The following BRINP1 variants were observed in gnomAD, a reference collection of about 807,000 sequenced individuals.
BRINP1 encodes the protein BMP/retinoic acid inducible neural specific 1.
In BRINP1, 17 loss-of-function variants were observed where a neutral mutation model predicts 72.9. The observed-to-expected ratio is 0.23, with a 90% CI of 0.16 to 0.35. BRINP1 has a LOEUF of 0.35. BRINP1 is among the 10% of genes least tolerant of loss of function. The probability of loss-of-function intolerance (pLI) is 1.00; values close to 1 mark genes in which losing one functional copy is unlikely to be tolerated. For synonymous variants in BRINP1, 418 were observed against 378.5 expected (o/e 1.10, Z -1.21); for missense variants, 850 against 1,001.6 (o/e 0.85, Z 2.04).
Position 119,262,621 on chromosome 9 carries a change from G to C in BRINP1, c.219-13471C>G, listed in dbSNP as rs191000506. On this transcript the variant is annotated intron_variant, in intron 2 of 7. Coordinates refer to ENST00000265922, the MANE Select transcript of BRINP1 (RefSeq NM_014618.3). Reference sequence around the variant, plus strand: ...AGATCATGCCATTGCACTCCAGCCTGGGTGACAGAGCGAGACTCCAACTCA... The same window carrying C: ...AGATCATGCCATTGCACTCCAGCCTCGGTGACAGAGCGAGACTCCAACTCA... Among the ~76,000 whole-genome samples, 846 of 144,080 alleles carry C rather than the reference G, an allele frequency of 5.9e-3. 9 individuals are homozygous for C. Among genetic ancestry groups the C allele is most frequent in the African/African-American group, 0.019 (729 of 39,222 alleles). The allele number at this position is 144,080 out of a possible 152,430, so 94.5% of individuals were successfully genotyped here. A position where few individuals can be genotyped will look rare whatever the true frequency, so the allele number is the denominator to read the frequency against.
chr9:119,169,406 T>C (rs1412388131), intron 7 of BRINP1, among the ~76,000 whole-genome samples: 1 of 151,714 alleles, frequency 6.6e-6, no homozygotes, highest in African/African-American at 2.4e-5. Context: ...CCCCACCGAA[T>C]ACTGTGCTTT....
At chr9:119,310,825 A>G (rs1564244914) in intron 2 of BRINP1, among the ~76,000 whole-genome samples, 1 of 152,184 alleles carries the variant, frequency 6.6e-6, no homozygotes, top group South Asian at 2.1e-4. Context: ...TGAAACGTCA[A>G]TGTTTCAACA....
intron 1 of BRINP1, among the ~76,000 whole-genome samples, chr9:119,327,420 GAATC>G (rs1564249223): frequency 6.6e-6 from 1 of 152,178 alleles, no homozygotes; most frequent in Non-Finnish European, 1.5e-5. Flanking sequence ...GGTAGGTACT[GAATC>G]AATATTTATT....
At chr9:119,186,133 G>A (rs1564212287) in intron 7 of BRINP1, among the ~76,000 whole-genome samples, 3 of 152,272 alleles carry the variant, frequency 2.0e-5, no homozygotes, top group East Asian at 1.9e-4. Context: ...CAGATGTTAG[G>A]GTCACAGCCT....
intron 7 of BRINP1, among the ~76,000 whole-genome samples, chr9:119,184,679 C>T (rs1372019595): frequency 6.6e-6 from 1 of 152,150 alleles, no homozygotes; most frequent in African/African-American, 2.4e-5. Context: ...AATTCCAGAA[C>T]CTTAAAGCTA....
chr9:119,360,424 T>G (rs1190910115), intron 1 of BRINP1, among the ~76,000 whole-genome samples: 1 of 152,208 alleles, frequency 6.6e-6, no homozygotes, highest in Non-Finnish European at 1.5e-5. Context: ...GAAATCTGGC[T>G]TATCCACTAC....
chr9:119,317,783 C>T (rs542945730), intron 1 of BRINP1, among the ~76,000 whole-genome samples: 2 of 152,290 alleles, frequency 1.3e-5, no homozygotes, highest in Admixed American at 6.5e-5. Flanking sequence ...CAGTCAGAAG[C>T]CAACAACATT....
chr9:119,317,071 C>T (rs150646538), intron 1 of BRINP1, among the ~76,000 whole-genome samples: 2,625 of 151,834 alleles, frequency 0.017, 36 homozygotes, highest in Non-Finnish European at 0.028. Flanking sequence ...AGCCTGGTGA[C>T]AGAGTGACAT....
At chr9:119,235,207 T>A (rs1213267360) in intron 5 of BRINP1, among the ~76,000 whole-genome samples, 1 of 152,216 alleles carries the variant, frequency 6.6e-6, no homozygotes, top group Non-Finnish European at 1.5e-5. Context: ...AATCTCTTCA[T>A]GCTACTTCTT....
At chr9:119,237,288 C>G (rs1169693169) in intron 5 of BRINP1, among the ~76,000 whole-genome samples, 2 of 151,818 alleles carry the variant, frequency 1.3e-5, no homozygotes, top group Non-Finnish European at 2.9e-5. Context: ...AATACATCAT[C>G]GGTAACCTAG....
intron 2 of BRINP1, among the ~76,000 whole-genome samples, chr9:119,310,684 CA>C (rs1831052925): frequency 6.6e-6 from 1 of 152,078 alleles, no homozygotes; most frequent in Non-Finnish European, 1.5e-5. Context: ...CCTCTAGCAT[CA>C]AAAAATGTGC....
rs574181914 is a variant in BRINP1, at chr9:119,192,078, T to G, written c.1145+16641A>C. Among the ~76,000 whole-genome samples, 25 of 152,082 alleles carry G rather than the reference T, an allele frequency of 1.6e-4. No individual in the cohort carries two copies. In the South Asian group the frequency reaches 4.8e-3, roughly 29 times the overall value. On this transcript the variant is annotated intron_variant, in intron 7 of 7. Coordinates refer to ENST00000265922, the MANE Select transcript of BRINP1 (RefSeq NM_014618.3). ...AGACTAATGACATTGAACCCTTATC[T>G]TACATCATACACAAAAATCAATTCA...
chr9:119,242,813 T>G (rs1830268220), intron 3 of BRINP1, among the ~76,000 whole-genome samples: 1 of 152,176 alleles, frequency 6.6e-6, no homozygotes, highest in Non-Finnish European at 1.5e-5. Flanking sequence ...TACATTTTCT[T>G]CTTTTAAGTT....
chr9:119,334,105 C>T (rs1164758563), intron 1 of BRINP1, among the ~76,000 whole-genome samples: 1 of 152,300 alleles, frequency 6.6e-6, no homozygotes, highest in Middle Eastern at 3.4e-3. Flanking sequence ...GCCCAGCACA[C>T]AGGAGGTAGT....
At chr9:119,320,569 TGA>T (rs1280058901) in intron 1 of BRINP1, among the ~76,000 whole-genome samples, 21 of 152,110 alleles carry the variant, frequency 1.4e-4, no homozygotes, top group Admixed American at 1.4e-3. Context: ...GTCAGAGGGC[TGA>T]GAGTGGAGGT....
At chr9:119,283,537 T>C (rs1005470914) in intron 2 of BRINP1, among the ~76,000 whole-genome samples, 6 of 152,162 alleles carry the variant, frequency 3.9e-5, no homozygotes, top group African/African-American at 1.4e-4. Context: ...TTTCCTACTC[T>C]CAGATCTTTT....
chr9:119,177,686 C>T (rs563179281), intron 7 of BRINP1, among the ~76,000 whole-genome samples: 1 of 152,302 alleles, frequency 6.6e-6, no homozygotes, highest in South Asian at 2.1e-4. Context: ...TGTGGCTGAA[C>T]TCTCAGAATC....
At position 119,174,050 on chromosome 9, in the gene BRINP1, G is replaced by A. The variant is rs1283866456; in HGVS notation, c.1146-5826C>T. On this transcript the variant is annotated intron_variant, in intron 7 of 7. Coordinates refer to ENST00000265922, the MANE Select transcript of BRINP1 (RefSeq NM_014618.3). ...CTAGGCATTACCATTCAGGACATAGGCGTGGGCAAGGACTTCATGTCTAAA... is the reference window on the plus strand; with the variant it reads ...CTAGGCATTACCATTCAGGACATAGACGTGGGCAAGGACTTCATGTCTAAA... 3.9e-5 allele frequency among the ~76,000 whole-genome samples: 5 copies of A among 129,170 alleles called. No individual in the cohort carries two copies. The East Asian group carries it at 6.2e-4, about 16-fold the overall frequency. The allele number at this position is 129,170 out of a possible 152,430, so 84.7% of individuals were successfully genotyped here.
At chr9:119,253,410 A>C (rs1342733146) in intron 2 of BRINP1, among the ~76,000 whole-genome samples, 1 of 152,226 alleles carries the variant, frequency 6.6e-6, no homozygotes, top group Non-Finnish European at 1.5e-5. Flanking sequence ...TACTCAATGG[A>C]ATATCATTCA....
Sources: gnomAD v4.1 joint callset for allele counts (sites outside exome capture counted in the v4.1 genomes callset) on GRCh38, gnomAD v4.1.1 for gene constraint, MANE v1.5 for transcripts, NCBI Gene and HGNC (gene_info 2026-07-23, HGNC 2026-07-21) for gene names.